CMTM7: variants seen among roughly 807,000 people sequenced by gnomAD.
The protein encoded by CMTM7 is CKLF-like MARVEL transmembrane domain-containing protein 7.
In CMTM7, 7 loss-of-function variants were observed where a neutral mutation model predicts 19.3. That is an observed-to-expected ratio of 0.36 (90% CI 0.21 to 0.68). The LOEUF (loss-of-function observed/expected upper bound fraction) is 0.68, where lower values mean the gene tolerates loss of function less well. Among genes scored for constraint, CMTM7 ranks in the 30% least tolerant of loss-of-function variants. CMTM7 has a pLI of 0.60. For missense variants in CMTM7, 193 were observed against 232.6 expected, an observed-to-expected ratio of 0.83 and a Z score of 1.11; for synonymous variants, 87 against 99.3, an observed-to-expected ratio of 0.88 and a Z score of 0.74.
intron 1 of CMTM7, among the ~76,000 whole-genome samples, chr3:32,420,542 C>T (rs1339457007): frequency 3.3e-5 from 5 of 152,200 alleles, no homozygotes; most frequent in Non-Finnish European, 7.3e-5. Flanking sequence ...TCTACGCCAG[C>T]CTTCTGAAAT....
At chr3:32,434,995 C>A (rs921877297) in intron 1 of CMTM7, among the ~76,000 whole-genome samples, 4 of 152,180 alleles carry the variant, frequency 2.6e-5, no homozygotes, top group Non-Finnish European at 5.9e-5. Context: ...TGGCAAGATT[C>A]CCTGTGGAGG....
intron 1 of CMTM7, among the ~76,000 whole-genome samples, chr3:32,407,062 T>C (rs1359146796): frequency 1.3e-5 from 2 of 152,182 alleles, no homozygotes; most frequent in Non-Finnish European, 2.9e-5. Flanking sequence ...AACCTGGGAA[T>C]CTGAACAGGG....
At chr3:32,423,961 A>G (rs752935325) in intron 1 of CMTM7, among the ~76,000 whole-genome samples, 4 of 152,244 alleles carry the variant, frequency 2.6e-5, no homozygotes, top group Non-Finnish European at 4.4e-5. Context: ...AATAGAGGCC[A>G]GATAGGACCT....
intron 1 of CMTM7, among the ~76,000 whole-genome samples, chr3:32,432,070 C>G (rs761676902): frequency 5.3e-5 from 8 of 152,198 alleles, no homozygotes; most frequent in Admixed American, 1.3e-4. Context: ...CTCTTCTGAG[C>G]CTTGGATTCA....
intron 1 of CMTM7, among the ~76,000 whole-genome samples, chr3:32,440,736 T>C (rs536078594): frequency 7.6e-4 from 116 of 152,026 alleles, no homozygotes; most frequent in Non-Finnish European, 1.3e-3. Context: ...TGAGATTGGT[T>C]CACTGCACTC....
intron 1 of CMTM7, among the ~76,000 whole-genome samples, chr3:32,422,685 C>G (rs915458762): frequency 2.0e-5 from 3 of 152,198 alleles, no homozygotes; most frequent in Non-Finnish European, 2.9e-5. Context: ...ATAACAAATA[C>G]AGACACTTCT....
intron 2 of CMTM7, among the ~76,000 whole-genome samples, chr3:32,444,544 C>A (rs115350421): frequency 0.017 from 2,540 of 152,136 alleles, 73 homozygotes; most frequent in African/African-American, 0.056. Context: ...CGTTACAATT[C>A]CATGTGAATT....
chr3:32,437,046 G>A (rs1444741114), intron 1 of CMTM7, among the ~76,000 whole-genome samples: 1 of 152,128 alleles, frequency 6.6e-6, no homozygotes, highest in Non-Finnish European at 1.5e-5. Flanking sequence ...TTTGGTTCCA[G>A]AGTCCTCAGG....
At chr3:32,447,226 T>C (rs962459954) in intron 2 of CMTM7, among the ~76,000 whole-genome samples, 4 of 152,340 alleles carry the variant, frequency 2.6e-5, no homozygotes, top group Admixed American at 1.3e-4. Flanking sequence ...TTCCCTGATT[T>C]CCCTCTGCTC....
intron 1 of CMTM7, among the ~76,000 whole-genome samples, chr3:32,394,053 C>T (rs1423680867): frequency 6.6e-6 from 1 of 152,212 alleles, no homozygotes; most frequent in Non-Finnish European, 1.5e-5. Context: ...AGTCTTACAC[C>T]TGCCCTGGAG....
In CMTM7 at chr3:32,394,905, A is replaced by G. The variant is rs1695892373; in HGVS notation, c.159+2840A>G. On this transcript the variant is annotated intron_variant, in intron 1 of 4. Coordinates refer to ENST00000334983, the MANE Select transcript of CMTM7 (RefSeq NM_138410.4). Reference sequence around the variant, plus strand: ...GAGATGGGGTTTCACCATGTTGGCCAGGATGGTCTTGATCTCTTGACCTCA... The same window carrying G: ...GAGATGGGGTTTCACCATGTTGGCCGGGATGGTCTTGATCTCTTGACCTCA... Among the ~76,000 whole-genome samples, 6 of 151,904 alleles carry G rather than the reference A, an allele frequency of 3.9e-5. No homozygotes were observed. The South Asian group carries it at 1.2e-3, about 32-fold the overall frequency.
At chr3:32,392,298 A>G (rs1405971291) in intron 1 of CMTM7, among the ~76,000 whole-genome samples, 1 of 146,474 alleles carries the variant, frequency 6.8e-6, no homozygotes, top group Non-Finnish European at 1.5e-5. Context: ...GCTCCCGCGG[A>G]CCCAGGTCGC....
intron 1 of CMTM7, among the ~76,000 whole-genome samples, chr3:32,415,168 T>C (rs931352794): frequency 1.6e-4 from 24 of 152,058 alleles, no homozygotes; most frequent in African/African-American, 5.1e-4. Context: ...CACTCCAGCC[T>C]GGGTGACAGA....
At chr3:32,410,069 T>C (rs1429670521) in intron 1 of CMTM7, among the ~76,000 whole-genome samples, 1 of 152,226 alleles carries the variant, frequency 6.6e-6, no homozygotes, top group African/African-American at 2.4e-5. Flanking sequence ...TAGGGTGCTC[T>C]GCTTCCCCTC....
chr3:32,419,444 C>T (rs927677947), intron 1 of CMTM7, among the ~76,000 whole-genome samples: 1 of 152,148 alleles, frequency 6.6e-6, no homozygotes, highest in Non-Finnish European at 1.5e-5. Flanking sequence ...TTTCCTTGTT[C>T]CCTGTGTTGG....
intron 1 of CMTM7, among the ~76,000 whole-genome samples, chr3:32,441,264 T>A (rs1343657531): frequency 6.6e-6 from 1 of 152,216 alleles, no homozygotes; most frequent in Non-Finnish European, 1.5e-5. Context: ...CATGCCTCCG[T>A]TTCCCCTTAT....
At chr3:32,448,895 G>A (rs763447865) in intron 2 of CMTM7, among the ~76,000 whole-genome samples, 4 of 151,990 alleles carry the variant, frequency 2.6e-5, no homozygotes, top group African/African-American at 7.3e-5. Flanking sequence ...TGAGTCTGAC[G>A]GGACCCTGGG....
In CMTM7 at chr3:32,392,681, G is replaced by T. The variant is rs543583177; in HGVS notation, c.159+616G>T. The stretch of plus-strand genomic sequence containing the variant: ...CCGAGGGAGGGCCCGGGTCTCAGGG[G>T]GCTCTGGAGGGCAGGGGGTCAGTTG... On this transcript the variant is annotated intron_variant, in intron 1 of 4. Transcript: ENST00000334983. 2.4e-4 allele frequency among the ~76,000 whole-genome samples: 36 copies of T among 152,328 alleles called. 1 individual carries two copies. The highest frequency in any genetic ancestry group is 8.3e-4 in the South Asian group (4 of 4,828).
intron 1 of CMTM7, among the ~76,000 whole-genome samples, chr3:32,426,076 C>T (rs1356461480): frequency 1.3e-5 from 2 of 152,140 alleles, no homozygotes; most frequent in Admixed American, 6.5e-5. Context: ...ACCTGGGAGG[C>T]AGAGTTTGCG....
Sources: gnomAD v4.1 joint callset for allele counts (sites outside exome capture counted in the v4.1 genomes callset) on GRCh38, gnomAD v4.1.1 for gene constraint, MANE v1.5 for transcripts, NCBI Gene and HGNC (gene_info 2026-07-23, HGNC 2026-07-21) for gene names.